CSF1R: variants seen among roughly 807,000 people sequenced by gnomAD.
CSF1R encodes the protein colony stimulating factor 1 receptor.
CSF1R carries 40 observed loss-of-function variants against 110.0 expected under a neutral mutation model. That is an observed-to-expected ratio of 0.36 (90% CI 0.28 to 0.47). The LOEUF (loss-of-function observed/expected upper bound fraction) is 0.47. Ranked by LOEUF, CSF1R falls within the 20% of genes least tolerant of loss-of-function variation. CSF1R has a pLI of 0.99. For synonymous variants in CSF1R, 523 were observed against 503.4 expected (o/e 1.04, Z -0.52); for missense variants, 1,052 against 1,253.0 (o/e 0.84, Z 2.42).
intron 14 of CSF1R, 46 bp from the exon 15 acceptor site, chr5:150,057,638 T>C: frequency 6.9e-7 from 1 of 1,453,788 alleles, no homozygotes; most frequent in African/African-American, 1.4e-5. Flanking sequence ...TCATCATCAC[T>C]GCACTGCTCA....
intron 10 of CSF1R, among the ~76,000 whole-genome samples, chr5:150,062,687 G>A (rs1335772721): frequency 6.6e-6 from 1 of 152,196 alleles, no homozygotes; most frequent in Non-Finnish European, 1.5e-5. Context: ...GAGTTGAACA[G>A]GACAAAGTCC....
intron 14 of CSF1R, among the ~76,000 whole-genome samples, chr5:150,059,231 A>C (rs1757386966): frequency 6.6e-6 from 1 of 151,876 alleles, no homozygotes. Context: ...TTTAATAGAG[A>C]CGGGGTTTCA....
At chr5:150,055,581 A>G (rs988668065) in intron 18 of CSF1R, among the ~76,000 whole-genome samples, 4 of 152,188 alleles carry the variant, frequency 2.6e-5, no homozygotes, top group African/African-American at 7.2e-5. Flanking sequence ...AATCAGACCA[A>G]AGCTTCAGCT....
chr5:150,077,990 G>T, intron 4 of CSF1R, 122 bp downstream of exon 4: 1 of 1,309,506 alleles, frequency 7.6e-7, no homozygotes, highest in Non-Finnish European at 1.1e-6. Flanking sequence ...CCTCTCTGGA[G>T]TCTGAGCTGT....
At chr5:150,103,046 A>G (rs1330034060) in intron 1 of CSF1R, among the ~76,000 whole-genome samples, 1 of 152,212 alleles carries the variant, frequency 6.6e-6, no homozygotes, top group Non-Finnish European at 1.5e-5. Flanking sequence ...ACAGGCAATC[A>G]GTGAAGTGCA....
intron 3 of CSF1R, among the ~76,000 whole-genome samples, chr5:150,078,693 T>C (rs1238325909): frequency 6.6e-6 from 1 of 152,192 alleles, no homozygotes; most frequent in African/African-American, 2.4e-5. Context: ...ACCGCCCTGA[T>C]AACCCCACCC....
upstream of CSF1R, among the ~76,000 whole-genome samples, chr5:150,089,202 C>T (rs953237222): frequency 2.0e-5 from 3 of 152,144 alleles, no homozygotes; most frequent in African/African-American, 7.2e-5. Flanking sequence ...CAACATAGTA[C>T]TGGAAGTCCT....
rs1236706738 is a variant in CSF1R, at chr5:150,073,409, A to C, written c.974T>G (p.Val325Gly). The C allele has an allele frequency of 1.2e-6, 2 of 1,614,088 alleles. No homozygotes were observed. Among genetic ancestry groups the C allele is most frequent in the Admixed American group, 3.3e-5 (2 of 60,016 alleles). The change falls in exon 6 of 21, where the codon GTG (valine) becomes GGG (glycine). Residue 325 changes from valine (V) to glycine (G), a missense_variant. This residue lies in a region of CSF1R where 693 missense variants were observed against 735.4 expected (regional missense o/e 0.94). Transcript: ENST00000675795. Reference sequence around the variant, plus strand: ...ACCTTGCAGGCCTGGGTAGGCCTCCACCATGACTTTGAGGTTGAGCCCCTC... The same window carrying C: ...ACCTTGCAGGCCTGGGTAGGCCTCCCCCATGACTTTGAGGTTGAGCCCCTC... ...VGEGLNLKVM[V>G]EAYPGLQGFN...
chr5:150,057,402 G>C lies in CSF1R; in HGVS notation c.2222-18C>G, dbSNP rs374818714. On this transcript the variant is annotated intron_variant, in intron 15 of 20. Coordinates refer to ENST00000675795, the MANE Select transcript of CSF1R (RefSeq NM_001288705.3). ...GTCCAGGTCTAGGGTGGGAAGAGGC[G>C]TCAGGGCAGCCCTGCCACACTCCCC... The C allele has an allele frequency of 4.3e-6, 7 of 1,613,046 alleles. No homozygotes were observed. Among genetic ancestry groups the C allele is most frequent in the Non-Finnish European group, 5.9e-6 (7 of 1,179,186 alleles).
At position 150,061,855 on chromosome 5, in the gene CSF1R, G is replaced by A. The variant is rs1350211594; in HGVS notation, c.1627-6C>T. 1.2e-6 allele frequency: 2 copies of A among 1,614,140 alleles called. No individual in the cohort carries two copies. The highest frequency in any genetic ancestry group is 1.7e-6 in the Non-Finnish European group (2 of 1,180,004). On this transcript the variant is annotated splice_polypyrimidine_tract_variant and splice_region_variant and intron_variant, in intron 10 of 20. Transcript: ENST00000675795. ...CGGACCTGGTACTTGGGCTTCTGCAGAAGAGGAAGGGAGCACGTGGCAGTC... is the reference window on the plus strand; with the variant it reads ...CGGACCTGGTACTTGGGCTTCTGCAAAAGAGGAAGGGAGCACGTGGCAGTC...
At position 150,080,137 on chromosome 5, in the gene CSF1R, G is replaced by A. The variant is rs747109078; in HGVS notation, c.507C>T (p.Phe169=). Residue 169 remains phenylalanine, a synonymous_variant, in exon 3 of 21, where the codon TTC becomes TTT. Coordinates refer to ENST00000675795, the MANE Select transcript of CSF1R (RefSeq NM_001288705.3). ...WHGFTIHRAK[F]IQSQDYQCSA... ...TGCATTGATAGTCCTGGCTCTGAAT[G>A]AACTTGGCCCTGTGGATGGTGAAGC... The A allele has an allele frequency of 6.2e-7, 1 of 1,614,136 alleles. No individual in the cohort carries two copies. The highest frequency in any genetic ancestry group is 1.1e-5 in the South Asian group (1 of 91,082).
chr5:150,109,305 T>C (rs1197152667), intron 1 of CSF1R, among the ~76,000 whole-genome samples: 1 of 152,094 alleles, frequency 6.6e-6, no homozygotes, highest in Non-Finnish European at 1.5e-5. Flanking sequence ...ATCGTGAGGA[T>C]CCGATGGGAC....
At chr5:150,074,842 T>TACACACAC (rs5872157) in intron 5 of CSF1R, among the ~76,000 whole-genome samples, 5,269 of 151,880 alleles carry the variant, frequency 0.035, 313 homozygotes, top group African/African-American at 0.12. Context: ...TCTTCCTTCC[T>TACACACAC]ACACACACAC....
In CSF1R at chr5:150,053,746, C is replaced by T. The variant is rs1757035659; in HGVS notation, c.*323G>A. 4.5e-6 allele frequency: 2 copies of T among 447,218 alleles called. No homozygotes were observed. The highest frequency in any genetic ancestry group is 8.2e-6 in the Non-Finnish European group (2 of 243,904). 27.7% of individuals were successfully genotyped at this position (447,218 alleles called of 1,614,324 possible). A position where few individuals can be genotyped will look rare whatever the true frequency, so the allele number is the denominator to read the frequency against. ...GGGACTTCATAGGCATAAAGTCAGT[C>T]CATTTCCATGAAGATAAGGGGATTA... On this transcript the variant is annotated 3_prime_UTR_variant, in exon 21 of 21. Coordinates refer to ENST00000675795, the MANE Select transcript of CSF1R (RefSeq NM_001288705.3).
At chr5:150,061,619 A>C in intron 11 of CSF1R, 24 bp from the exon 12 acceptor site, 1 of 1,614,024 alleles carries the variant, frequency 6.2e-7, no homozygotes, top group South Asian at 1.1e-5. Context: ...AGGTCCCTTA[A>C]GTCCCTGGGC....
chr5:150,053,889 T>C lies in CSF1R; in HGVS notation c.*180A>G. 2 of 648,646 alleles carry C rather than the reference T, an allele frequency of 3.1e-6. No homozygotes were observed. The highest frequency in any genetic ancestry group is 2.7e-6 in the Non-Finnish European group (1 of 371,688). The allele number at this position is 648,646 out of a possible 1,614,324, so 40.2% of individuals were successfully genotyped here. On this transcript the variant is annotated 3_prime_UTR_variant, in exon 21 of 21. Transcript: ENST00000675795. The stretch of plus-strand genomic sequence containing the variant: ...CCTGACTGGCAGTGATGGCCCATGC[T>C]CAGGAAGTGGGATCCTCTGACCTCC...
chr5:150,090,219 GAATAAA>G (rs1451014369), upstream of CSF1R, among the ~76,000 whole-genome samples: 1 of 152,022 alleles, frequency 6.6e-6, no homozygotes, highest in Non-Finnish European at 1.5e-5. Context: ...ACTGTCAAGA[GAATAAA>G]AACACACAGA....
intron 1 of CSF1R, among the ~76,000 whole-genome samples, chr5:150,108,399 G>C (rs1759616075): frequency 6.6e-6 from 1 of 152,148 alleles, no homozygotes; most frequent in Non-Finnish European, 1.5e-5. Context: ...ACACAAGGTG[G>C]ATGGACCTTG....
Position 150,070,304 on chromosome 5 carries a change from T to TGAGGAAGAAAG in CSF1R, c.1199-13_1199-3dup. The TGAGGAAGAAAG allele has an allele frequency of 6.2e-7, 1 of 1,613,446 alleles. No homozygotes were observed. Among genetic ancestry groups the TGAGGAAGAAAG allele is most frequent in the Non-Finnish European group, 8.5e-7 (1 of 1,179,616 alleles). On this transcript the variant is annotated splice_polypyrimidine_tract_variant and splice_region_variant and intron_variant, in intron 7 of 20. Transcript: ENST00000675795. ...ATATGACGCTTACCTCTGGGGGGTC[T>TGAGGAAGAAAG]GAGGAAGAAAGGAGGAGGCCCCAAG...
Sources: gnomAD v4.1 joint callset for allele counts (sites outside exome capture counted in the v4.1 genomes callset) on GRCh38, gnomAD v4.1.1 for gene constraint, gnomAD v4.1.1 regional missense constraint, MANE v1.5 for transcripts, NCBI Gene and HGNC (gene_info 2026-07-23, HGNC 2026-07-21) for gene names.